Variants in RAD51B observed in about 807,000 individuals in gnomAD.
RAD51B encodes DNA repair protein RAD51 homolog 2.
A neutral mutation model predicts 42.2 loss-of-function variants in RAD51B; 38 were observed. That is an observed-to-expected ratio of 0.90 (90% confidence interval 0.70 to 1.18). RAD51B has a LOEUF of 1.18. Among genes scored for constraint, RAD51B ranks in the 50% most tolerant of loss-of-function variants. The pLI, the probability that RAD51B is intolerant of heterozygous loss-of-function variation, is 0.00. For synonymous variants in RAD51B, 154 were observed against 145.2 expected, an observed-to-expected ratio of 1.06 and a Z score of -0.43; for missense variants, 373 against 400.7, an observed-to-expected ratio of 0.93 and a Z score of 0.59.
At chr14:68,596,460 G>T (rs72729538), downstream of RAD51B, among the ~76,000 whole-genome samples, 1 of 152,114 alleles carries the variant, frequency 6.6e-6, no homozygotes, top group Non-Finnish European at 1.5e-5. Flanking sequence ...GAAAGGGGCT[G>T]GGGAGAACAA....
intron 10 of RAD51B, among the ~76,000 whole-genome samples, chr14:68,648,155 G>GTATATA (rs368723351): frequency 1.5e-4 from 15 of 102,436 alleles, no homozygotes; most frequent in African/African-American, 5.9e-4. Context: ...ATACACACAC[G>GTATATA]TATATATATA....
intron 10 of RAD51B, among the ~76,000 whole-genome samples, chr14:68,491,663 C>G (rs1164947720): frequency 6.6e-6 from 1 of 152,208 alleles, no homozygotes; most frequent in African/African-American, 2.4e-5. Context: ...CCTTCCAGCT[C>G]TGGGCCCTCA....
intron 10 of RAD51B, among the ~76,000 whole-genome samples, chr14:68,576,970 G>A (rs1362993333): frequency 2.0e-5 from 3 of 152,222 alleles, no homozygotes; most frequent in Non-Finnish European, 4.4e-5. Flanking sequence ...GGGGCATTCC[G>A]TTTGTGGTTT....
chr14:68,035,153 T>C (rs2076101781), intron 7 of RAD51B, among the ~76,000 whole-genome samples: 1 of 152,240 alleles, frequency 6.6e-6, no homozygotes, highest in African/African-American at 2.4e-5. Context: ...TGGATTATAC[T>C]CATGGATTTT....
downstream of RAD51B, among the ~76,000 whole-genome samples, chr14:68,480,434 A>T (rs575558881): frequency 6.6e-6 from 1 of 152,304 alleles, no homozygotes; most frequent in Non-Finnish European, 1.5e-5. Flanking sequence ...CGTTCATGCA[A>T]GATATTACTT....
chr14:68,315,434 A>C (rs1295692495), intron 8 of RAD51B, among the ~76,000 whole-genome samples: 1 of 152,222 alleles, frequency 6.6e-6, no homozygotes. Flanking sequence ...TAAAAACAAC[A>C]ACATCATCAT....
chr14:67,904,382 C>T (rs2043711222), intron 7 of RAD51B, among the ~76,000 whole-genome samples: 1 of 152,074 alleles, frequency 6.6e-6, no homozygotes, highest in Admixed American at 6.6e-5. Context: ...TATAAGCATT[C>T]CCTTTTCTCT....
intron 9 of RAD51B, among the ~76,000 whole-genome samples, chr14:68,453,685 C>T (rs1344737669): frequency 6.6e-6 from 1 of 152,126 alleles, no homozygotes; most frequent in Non-Finnish European, 1.5e-5. Context: ...CTCTGCCCTG[C>T]TTCTAGAATG....
chr14:68,298,219 G>A (rs1409881993), intron 8 of RAD51B, among the ~76,000 whole-genome samples: 3 of 152,168 alleles, frequency 2.0e-5, no homozygotes, highest in African/African-American at 7.2e-5. Context: ...GAGAGGAGAT[G>A]GGCACAGCCT....
At chr14:68,597,008 G>A (rs894276589), downstream of RAD51B, among the ~76,000 whole-genome samples, 5 of 152,296 alleles carry the variant, frequency 3.3e-5, no homozygotes, top group Admixed American at 6.5e-5. Context: ...TAGAAAATTC[G>A]TTCCCTTGTT....
intron 8 of RAD51B, among the ~76,000 whole-genome samples, chr14:68,380,075 C>T (rs993200459): frequency 6.6e-6 from 1 of 152,222 alleles, no homozygotes; most frequent in East Asian, 1.9e-4. Context: ...TTCCTGAAAT[C>T]CCAGGCTTTT....
At chr14:68,168,077 A>G (rs987912123) in intron 7 of RAD51B, among the ~76,000 whole-genome samples, 9 of 152,064 alleles carry the variant, frequency 5.9e-5, no homozygotes, top group Admixed American at 5.9e-4. Context: ...CATAATTTTG[A>G]CACTAGATTT....
chr14:68,650,618 C>A (rs1892680875), intron 10 of RAD51B, among the ~76,000 whole-genome samples: 1 of 152,232 alleles, frequency 6.6e-6, no homozygotes, highest in African/African-American at 2.4e-5. Context: ...CCAACATTAT[C>A]TACAGAGGCC....
intron 7 of RAD51B, among the ~76,000 whole-genome samples, chr14:68,264,790 CAG>C (rs565650389): frequency 2.0e-5 from 3 of 151,560 alleles, no homozygotes; most frequent in African/African-American, 7.3e-5. Context: ...AAGTGGATGG[CAG>C]AGAGAGAGAG....
At chr14:68,041,182 G>T (rs972750528) in intron 7 of RAD51B, among the ~76,000 whole-genome samples, 3 of 152,178 alleles carry the variant, frequency 2.0e-5, no homozygotes, top group Admixed American at 2.0e-4. Flanking sequence ...GCCATGTGAA[G>T]ATGTGCAGGC....
chr14:68,115,955 G>C (rs974583881), intron 7 of RAD51B, among the ~76,000 whole-genome samples: 3 of 151,568 alleles, frequency 2.0e-5, no homozygotes, highest in Non-Finnish European at 4.4e-5. Context: ...CTTGGGCACA[G>C]ACCAAGCCAG....
intron 10 of RAD51B, among the ~76,000 whole-genome samples, chr14:68,531,693 T>C (rs1209240835): frequency 1.3e-5 from 2 of 152,106 alleles, no homozygotes; most frequent in Non-Finnish European, 2.9e-5. Context: ...AACTGATATA[T>C]CCTTTACTCA....
intron 10 of RAD51B, among the ~76,000 whole-genome samples, chr14:68,506,703 G>A (rs1242891631): frequency 6.6e-6 from 1 of 152,170 alleles, no homozygotes; most frequent in African/African-American, 2.4e-5. Flanking sequence ...TGAAAGGCGG[G>A]TGGGGGGGAC....
chr14:68,511,065 A>G (rs1013571609), intron 10 of RAD51B, among the ~76,000 whole-genome samples: 1 of 152,214 alleles, frequency 6.6e-6, no homozygotes, highest in Non-Finnish European at 1.5e-5. Context: ...ACTCTCGGTC[A>G]GGTGCTCTTT....
Sources: allele counts gnomAD v4.1 joint callset (sites outside exome capture counted in the v4.1 genomes callset), GRCh38; gene constraint gnomAD v4.1.1; transcripts MANE v1.5; gene names NCBI Gene and HGNC (gene_info 2026-07-23, HGNC 2026-07-21).